NEGR1: variants seen among roughly 807,000 people sequenced by gnomAD.
The protein encoded by NEGR1 is IgLON family member 4.
NEGR1 carries 10 observed loss-of-function variants against 40.9 expected under a neutral mutation model. That is an observed-to-expected ratio of 0.24 (90% confidence interval 0.15 to 0.42). The LOEUF is 0.42. Among genes scored for constraint, NEGR1 ranks in the 10% least tolerant of loss-of-function variants. NEGR1 has a pLI of 1.00. For synonymous variants in NEGR1, 185 were observed against 166.8 expected, an observed-to-expected ratio of 1.11 and a Z score of -0.84; for missense variants, 352 against 438.9, an observed-to-expected ratio of 0.80 and a Z score of 1.77.
In NEGR1 at chr1:71,403,832, A is replaced by C. The variant is rs1646260212; in HGVS notation, c.*3614T>G. The C allele has an allele frequency of 2.6e-6, 1 of 381,906 alleles. No homozygotes were observed. Among genetic ancestry groups the C allele is most frequent in the African/African-American group, 2.1e-5 (1 of 48,216 alleles). The allele number at this position is 381,906 out of a possible 1,614,324, so 23.7% of individuals were successfully genotyped here. Reference sequence around the variant, plus strand: ...TATGGATGTTTTACTAAAAGACAGGAAGAGCTTTTTCCAGTCTTTAAAGTA... The same window carrying C: ...TATGGATGTTTTACTAAAAGACAGGCAGAGCTTTTTCCAGTCTTTAAAGTA... On this transcript the variant is annotated 3_prime_UTR_variant, in exon 7 of 7. Coordinates refer to ENST00000357731, the MANE Select transcript of NEGR1 (RefSeq NM_173808.3).
intron 3 of NEGR1, among the ~76,000 whole-genome samples, chr1:71,749,552 C>T (rs1655499000): frequency 6.6e-6 from 1 of 152,072 alleles, no homozygotes; most frequent in African/African-American, 2.4e-5. Context: ...CCCTGACATC[C>T]TATTTTTGAC....
intron 3 of NEGR1, among the ~76,000 whole-genome samples, chr1:71,764,931 C>A (rs767023263): frequency 2.0e-5 from 3 of 151,986 alleles, no homozygotes; most frequent in Admixed American, 6.6e-5. Context: ...TTGTGATGTG[C>A]GATGAAAAGT....
chr1:71,941,715 CA>C (rs1318299914), intron 1 of NEGR1, among the ~76,000 whole-genome samples: 1 of 152,010 alleles, frequency 6.6e-6, no homozygotes, highest in Non-Finnish European at 1.5e-5. Context: ...CAGCAGGTAA[CA>C]GTTCAATACC....
At chr1:71,671,375 G>A (rs943096531) in intron 4 of NEGR1, among the ~76,000 whole-genome samples, 2 of 151,820 alleles carry the variant, frequency 1.3e-5, no homozygotes, top group African/African-American at 4.8e-5. Flanking sequence ...GGGTAAACAG[G>A]GTAAAATGAA....
chr1:71,876,908 T>C (rs1045488960), intron 2 of NEGR1, among the ~76,000 whole-genome samples: 1 of 152,092 alleles, frequency 6.6e-6, no homozygotes, highest in Non-Finnish European at 1.5e-5. Context: ...AGAATTCCCA[T>C]GCTACCTGAA....
chr1:72,067,453 C>T (rs1223516615), intron 1 of NEGR1, among the ~76,000 whole-genome samples: 1 of 152,050 alleles, frequency 6.6e-6, no homozygotes, highest in Non-Finnish European at 1.5e-5. Context: ...CCATTTTTAA[C>T]TACAGAAAAA....
chr1:71,848,634 A>T (rs979524627), intron 2 of NEGR1, among the ~76,000 whole-genome samples: 1 of 152,330 alleles, frequency 6.6e-6, no homozygotes, highest in African/African-American at 2.4e-5. Context: ...AAATTATTTT[A>T]AAAATATCAC....
At chr1:71,803,361 C>A (rs1262347876) in intron 2 of NEGR1, among the ~76,000 whole-genome samples, 3 of 152,140 alleles carry the variant, frequency 2.0e-5, no homozygotes, top group South Asian at 2.1e-4. Flanking sequence ...AAATAACTAT[C>A]TTTAGTTAAG....
intron 4 of NEGR1, among the ~76,000 whole-genome samples, chr1:71,687,421 T>A (rs1186989621): frequency 1.3e-5 from 2 of 152,222 alleles, no homozygotes; most frequent in South Asian, 2.1e-4. Flanking sequence ...TGTTTTGTTT[T>A]TATTTGTTTG....
At chr1:71,477,121 T>C (rs192222770) in intron 6 of NEGR1, among the ~76,000 whole-genome samples, 1 of 152,178 alleles carries the variant, frequency 6.6e-6, no homozygotes, top group Non-Finnish European at 1.5e-5. Flanking sequence ...AGTATTTTGA[T>C]GAATATTCCA....
At chr1:71,965,579 T>C (rs1230422618) in intron 1 of NEGR1, among the ~76,000 whole-genome samples, 2 of 152,200 alleles carry the variant, frequency 1.3e-5, no homozygotes, top group Non-Finnish European at 2.9e-5. Context: ...GCTTTATTTA[T>C]TCATGGAAAT....
At chr1:71,819,247 TA>T (rs1658336764) in intron 2 of NEGR1, among the ~76,000 whole-genome samples, 3 of 151,938 alleles carry the variant, frequency 2.0e-5, no homozygotes, top group Non-Finnish European at 4.4e-5. Context: ...AAAGACCTAG[TA>T]ATTAGATGAT....
Position 71,705,066 on chromosome 1 carries a change from T to C in NEGR1, c.536-6927A>G, listed in dbSNP as rs1653840886. ...GAAAAATTCAGCATTTATTCAATAT[T>C]TTAATTTTTTTCATAAAAATTGAGA... is the stretch of plus-strand genomic sequence containing the variant. On this transcript the variant is annotated intron_variant, in intron 3 of 6. Coordinates refer to ENST00000357731, the MANE Select transcript of NEGR1 (RefSeq NM_173808.3). Among the ~76,000 whole-genome samples, 5 of 130,568 alleles carry C rather than the reference T, an allele frequency of 3.8e-5. No homozygotes were observed. The South Asian group carries it at 1.2e-3, about 31-fold the overall frequency. The allele number at this position is 130,568 out of a possible 152,430, so 85.7% of individuals were successfully genotyped here.
intron 1 of NEGR1, chr1:72,274,626 A>G (rs1469028667): frequency 8.6e-6 from 7 of 813,418 alleles, no homozygotes; most frequent in South Asian, 2.7e-5. Flanking sequence ...GCCTTGGAGA[A>G]CTGCCCCAAG....
intron 1 of NEGR1, among the ~76,000 whole-genome samples, chr1:71,945,472 G>A (rs1018112669): frequency 6.6e-6 from 1 of 152,096 alleles, no homozygotes; most frequent in African/African-American, 2.4e-5. Flanking sequence ...AGTCTGGCTT[G>A]ATGTAGCAAA....
At chr1:71,586,614 C>A (rs1375439593) in intron 6 of NEGR1, among the ~76,000 whole-genome samples, 1 of 152,110 alleles carries the variant, frequency 6.6e-6, no homozygotes. Context: ...ACCTGGAGCA[C>A]CATAAACTTC....
intron 4 of NEGR1, among the ~76,000 whole-genome samples, chr1:71,659,803 A>G (rs1651997558): frequency 6.6e-6 from 1 of 152,216 alleles, no homozygotes; most frequent in African/African-American, 2.4e-5. Flanking sequence ...TCAGATGGCT[A>G]TTATCAAAAA....
chr1:71,986,644 C>T (rs1646397106), intron 1 of NEGR1, among the ~76,000 whole-genome samples: 1 of 152,136 alleles, frequency 6.6e-6, no homozygotes. Context: ...GTGTAGAAAT[C>T]AGGTTGGTGT....
intron 4 of NEGR1, among the ~76,000 whole-genome samples, chr1:71,632,857 T>A (rs1651020123): frequency 1.3e-5 from 2 of 152,122 alleles, no homozygotes; most frequent in African/African-American, 4.8e-5. Flanking sequence ...GGGAAAGCAT[T>A]TCCAAGATTA....
Sources: allele counts gnomAD v4.1 joint callset (sites outside exome capture counted in the v4.1 genomes callset), GRCh38; gene constraint gnomAD v4.1.1; transcripts MANE v1.5; gene names NCBI Gene and HGNC (gene_info 2026-07-23, HGNC 2026-07-21).